MTR: variants seen among roughly 807,000 people sequenced by gnomAD.
The protein encoded by MTR is 5-methyltetrahydrofolate-homocysteine methyltransferase, also known as methionine synthase.
In MTR, 84 loss-of-function variants were observed where a neutral mutation model predicts 154.8. That is an observed-to-expected ratio of 0.54 (90% CI 0.45 to 0.65). MTR has a LOEUF of 0.65. Among genes scored for constraint, MTR ranks in the 30% least tolerant of loss-of-function variants. MTR has a pLI of 0.00. For missense variants in MTR, 1,275 were observed against 1,570.2 expected (o/e 0.81, Z 3.18); for synonymous variants, 554 against 553.9 (o/e 1.00, Z 0.00).
Position 236,841,542 on chromosome 1 carries a change from C to T in MTR, c.1515+2943C>T, listed in dbSNP as rs1357956085. On this transcript the variant is annotated intron_variant, in intron 15 of 32. Transcript: ENST00000366577. The stretch of plus-strand genomic sequence containing the variant: ...CTTCTGACATGAGCTGGAAGTAGGC[C>T]AGCTGCACAGCTGTGACTGCTAGCT... Among the ~76,000 whole-genome samples, 3 of 152,150 alleles carry T rather than the reference C, an allele frequency of 2.0e-5. No individual in the cohort carries two copies. The East Asian group carries it at 5.8e-4, about 29-fold the overall frequency.
rs1047903011 is a variant in MTR at position 236,901,799 on chromosome 1, T to A, written c.*4155T>A. On this transcript the variant is annotated 3_prime_UTR_variant, in exon 33 of 33. Transcript: ENST00000366577. ...GCTCCACCTTCATGACCTAATTACC[T>A]CCCAAAGATGCCATCTCCAAACACC... 6.6e-6 allele frequency: 1 copy of A among 152,120 alleles called. No homozygotes were observed. The highest frequency in any genetic ancestry group is 1.5e-5 in the Non-Finnish European group (1 of 68,056). 9.4% of individuals were successfully genotyped at this position (152,120 alleles called of 1,614,324 possible).
chr1:236,810,389 G>T, intron 4 of MTR, 114 bp from the exon 5 acceptor site: 1 of 899,706 alleles, frequency 1.1e-6, no homozygotes. Context: ...TTTCAGAGTT[G>T]TGGACAAAAG....
At chr1:236,838,169 G>C (rs535893898) in intron 14 of MTR, among the ~76,000 whole-genome samples, 2 of 152,222 alleles carry the variant, frequency 1.3e-5, no homozygotes, top group Admixed American at 1.3e-4. Context: ...ATTTCATTCT[G>C]ATGTTCAGCT....
chr1:236,889,363 G>T, intron 28 of MTR, 27 bp downstream of exon 28: 1 of 1,613,644 alleles, frequency 6.2e-7, no homozygotes, highest in Non-Finnish European at 8.5e-7. Flanking sequence ...CTTCCTTTCT[G>T]CCTCTGATAT....
intron 8 of MTR, chr1:236,819,894 G>C: frequency 1.1e-6 from 1 of 901,116 alleles, no homozygotes; most frequent in South Asian, 1.3e-5. Flanking sequence ...CCAGAGGGCC[G>C]TGCTGAAGTT....
Position 236,835,433 on chromosome 1 carries a change from C to G in MTR, c.1189-114C>G. On this transcript the variant is annotated intron_variant, in intron 13 of 32. Coordinates refer to ENST00000366577, the MANE Select transcript of MTR (RefSeq NM_000254.3). The stretch of plus-strand genomic sequence containing the variant: ...GCAGGCCCGGAGTCAGGGAGTCTGG[C>G]GAGGTAGTCTGTGTAATTTGAAGGA... 2.3e-6 allele frequency: 3 copies of G among 1,329,490 alleles called. No homozygotes were observed. In the East Asian group the frequency reaches 6.9e-5, roughly 31 times the overall value. The allele number at this position is 1,329,490 out of a possible 1,614,324, so 82.4% of individuals were successfully genotyped here. A position where few individuals can be genotyped will look rare whatever the true frequency, so the allele number is the denominator to read the frequency against.
intron 3 of MTR, among the ~76,000 whole-genome samples, chr1:236,808,415 C>T (rs537369369): frequency 7.9e-5 from 12 of 152,204 alleles, no homozygotes; most frequent in South Asian, 2.1e-4. Flanking sequence ...TATTTAACTA[C>T]GTAAGTTATT....
chr1:236,820,463 TG>T, intron 8 of MTR: 1 of 1,408,836 alleles, frequency 7.1e-7, no homozygotes, highest in Non-Finnish European at 9.9e-7. Context: ...AAGACTGGTC[TG>T]CAGCTCCCAC....
At chr1:236,840,679 A>G (rs1331545591) in intron 15 of MTR, among the ~76,000 whole-genome samples, 1 of 152,186 alleles carries the variant, frequency 6.6e-6, no homozygotes, top group Non-Finnish European at 1.5e-5. Flanking sequence ...GCTCAACATA[A>G]TGTTGGCATT....
At chr1:236,859,081 G>A (rs888386667) in intron 18 of MTR, among the ~76,000 whole-genome samples, 9 of 152,080 alleles carry the variant, frequency 5.9e-5, no homozygotes, top group African/African-American at 2.2e-4. Flanking sequence ...TGGCTCTAAC[G>A]GAATACCAAA....
chr1:236,820,024 A>G (rs779001357), intron 8 of MTR: 5 of 912,076 alleles, frequency 5.5e-6, no homozygotes, highest in Non-Finnish European at 9.0e-6. Context: ...TCGAGGGCTG[A>G]CCAGCAGCCT....
chr1:236,815,530 T>C, intron 6 of MTR, 74 bp from the exon 7 acceptor site: 1 of 1,463,210 alleles, frequency 6.8e-7, no homozygotes, highest in Non-Finnish European at 9.6e-7. Context: ...AAAGGGTGCA[T>C]TCTAATCAGG....
At chr1:236,826,016 T>A (rs1425199311) in intron 10 of MTR, among the ~76,000 whole-genome samples, 1 of 152,220 alleles carries the variant, frequency 6.6e-6, no homozygotes, top group Non-Finnish European at 1.5e-5. Flanking sequence ...TGACTTTGTC[T>A]CTTAGTTATG....
intron 17 of MTR, 139 bp downstream of exon 17, chr1:236,852,776 T>C: frequency 9.3e-7 from 1 of 1,072,264 alleles, no homozygotes; most frequent in Non-Finnish European, 1.4e-6. Flanking sequence ...GCCACACCTA[T>C]TCATTTGTAT....
chr1:236,880,706 G>A (rs996946111), intron 24 of MTR, 49 bp from the exon 25 acceptor site: 2 of 1,420,126 alleles, frequency 1.4e-6, no homozygotes, highest in African/African-American at 1.4e-5. Context: ...AGTTGTATAG[G>A]AACTGTCAGT....
chr1:236,879,919 C>G (rs893548278), intron 24 of MTR, among the ~76,000 whole-genome samples: 1 of 151,834 alleles, frequency 6.6e-6, no homozygotes, highest in Non-Finnish European at 1.5e-5. Context: ...TTTGGGAAGC[C>G]GAGGCAGGTG....
intron 8 of MTR, chr1:236,819,875 G>A (rs755961242): frequency 1.1e-5 from 9 of 805,746 alleles, no homozygotes; most frequent in Non-Finnish European, 1.5e-5. Flanking sequence ...TATCCTCCAG[G>A]AATACTGGCC....
intron 8 of MTR, among the ~76,000 whole-genome samples, chr1:236,818,277 T>C (rs1160017143): frequency 6.6e-6 from 1 of 152,218 alleles, no homozygotes; most frequent in Non-Finnish European, 1.5e-5. Flanking sequence ...CACATTCTAA[T>C]AGGTGTACCA....
Position 236,902,740 on chromosome 1 carries a change from C to A in MTR, c.*5096C>A, listed in dbSNP as rs1325593185. 2.0e-5 allele frequency: 3 copies of A among 150,484 alleles called. No homozygotes were observed. Among genetic ancestry groups the A allele is most frequent in the African/African-American group, 2.5e-5 (1 of 39,858 alleles). The allele number at this position is 150,484 out of a possible 1,614,324, so 9.3% of individuals were successfully genotyped here. ...AGAAAGCGCTGTATCAAAGCCCTAG[C>A]ACCCTCTCTACACCCACCTTCAGTA... On this transcript the variant is annotated 3_prime_UTR_variant, in exon 33 of 33. Transcript: ENST00000366577.
Sources: allele counts gnomAD v4.1 joint callset (sites outside exome capture counted in the v4.1 genomes callset), GRCh38; gene constraint gnomAD v4.1.1; transcripts MANE v1.5; gene names NCBI Gene and HGNC (gene_info 2026-07-23, HGNC 2026-07-21).